HMCN1: variants seen among roughly 807,000 people sequenced by gnomAD.
HMCN1 encodes hemicentin 1, also known as hemicentin-1.
In HMCN1, 321 loss-of-function variants were observed where a neutral mutation model predicts 625.9. The ratio of observed to expected loss-of-function variants is 0.51; its 90% CI spans 0.47 to 0.56. HMCN1 has a LOEUF of 0.56. Ranked by LOEUF, HMCN1 falls within the 20% of genes least tolerant of loss-of-function variation. The probability of loss-of-function intolerance (pLI) is 0.00; values close to 1 mark genes in which losing one functional copy is unlikely to be tolerated. For missense variants in HMCN1, 6,588 were observed against 6,887.3 expected (o/e 0.96, Z 1.54); for synonymous variants, 2,425 against 2,417.6 (o/e 1.00, Z -0.09).
rs187756640 is a variant in HMCN1, at chr1:186,102,769, G to A, written c.10574-703G>A. Among the ~76,000 whole-genome samples, 250 of 152,218 alleles carry A rather than the reference G, an allele frequency of 1.6e-3. 3 individuals carry two copies. The highest frequency in any genetic ancestry group is 7.2e-4 in the Non-Finnish European group (49 of 68,000). On this transcript the variant is annotated intron_variant, in intron 68 of 106. Coordinates refer to ENST00000271588, the MANE Select transcript of HMCN1 (RefSeq NM_031935.3). ...AAACTTGAACTATGAAAGTGTCATA[G>A]AAAACGCAAATGGTCATCATAAGGG...
Position 186,090,917 on chromosome 1 carries a change from G to A in HMCN1, c.9887G>A (p.Arg3296Gln), listed in dbSNP as rs771635945. The stretch of plus-strand genomic sequence containing the variant: ...GCTAGTGGTGAAACAGAAAGAATCC[G>A]GTATGTTTAAAAATAATCTTTCCAT... ...PIASGETERI[R>Q]VSANGSTLNI... The change falls in exon 64 of 107, where the codon CGA (arginine) becomes CAA (glutamine). Residue 3296 changes from arginine to glutamine, a missense_variant and splice_region_variant. This residue lies in a region of HMCN1 where 4,628 missense variants were observed against 4,853.1 expected (regional missense o/e 0.95). Coordinates refer to ENST00000271588, the MANE Select transcript of HMCN1 (RefSeq NM_031935.3). The A allele has an allele frequency of 3.7e-6, 6 of 1,610,926 alleles. No individual in the cohort carries two copies. Among genetic ancestry groups the A allele is most frequent in the African/African-American group, 2.7e-5 (2 of 74,724 alleles).
chr1:185,796,380 T>G (rs754305476), intron 1 of HMCN1, among the ~76,000 whole-genome samples: 1 of 152,196 alleles, frequency 6.6e-6, no homozygotes, highest in Non-Finnish European at 1.5e-5. Flanking sequence ...GGACCCCTGG[T>G]GTACATTGTA....
intron 1 of HMCN1, among the ~76,000 whole-genome samples, chr1:185,833,292 A>G (rs1336069324): frequency 1.3e-5 from 2 of 152,204 alleles, no homozygotes; most frequent in African/African-American, 4.8e-5. Context: ...TATCAAACAT[A>G]TTCAGCTTTT....
chr1:185,960,391 A>AGT (rs1049009229), intron 11 of HMCN1, among the ~76,000 whole-genome samples: 26 of 152,024 alleles, frequency 1.7e-4, no homozygotes, highest in Non-Finnish European at 2.9e-4. Flanking sequence ...AGCCTCCCAA[A>AGT]GTGTTGGGAT....
At chr1:186,147,577 C>T (rs1017084515) in intron 93 of HMCN1, among the ~76,000 whole-genome samples, 4 of 152,032 alleles carry the variant, frequency 2.6e-5, no homozygotes, top group African/African-American at 9.7e-5. Flanking sequence ...TTGTATTTCT[C>T]TCCAATATAT....
intron 1 of HMCN1, among the ~76,000 whole-genome samples, chr1:185,745,959 G>T (rs1301603864): frequency 6.6e-6 from 1 of 152,230 alleles, no homozygotes; most frequent in Non-Finnish European, 1.5e-5. Flanking sequence ...GTTCATTATG[G>T]ACTCTGGAAA....
Position 186,088,754 on chromosome 1 carries a change from A to G in HMCN1, c.9726A>G (p.Gln3242=), listed in dbSNP as rs1659676081. 1 of 1,605,538 alleles carries G rather than the reference A, an allele frequency of 6.2e-7. No homozygotes were observed. The highest frequency in any genetic ancestry group is 1.3e-5 in the African/African-American group (1 of 74,754). The change falls in exon 63 of 107, where the codon CAA becomes CAG. Residue 3242 remains glutamine, a splice_region_variant and synonymous_variant. Transcript: ENST00000271588. The stretch of plus-strand genomic sequence containing the variant: ...AGAAATATTACTTTCTTTCAATTCA[A>G]GGTATGTATTGTCCACTATGATCTA... ...KAQKYYFLSI[Q]VPPSVAGAEI... is the part of the protein sequence containing the mutation.
chr1:186,125,359 G>C (rs987927337), intron 81 of HMCN1, among the ~76,000 whole-genome samples: 1 of 152,000 alleles, frequency 6.6e-6, no homozygotes, highest in African/African-American at 2.4e-5. Flanking sequence ...ACCCAGTTCT[G>C]TCATTTGCTC....
intron 1 of HMCN1, among the ~76,000 whole-genome samples, chr1:185,752,143 G>T (rs962423029): frequency 3.9e-5 from 6 of 152,074 alleles, no homozygotes; most frequent in African/African-American, 1.4e-4. Context: ...TTCCGGTGCT[G>T]TACAGCTAGT....
At chr1:186,040,234 T>C (rs1571762368) in intron 39 of HMCN1, among the ~76,000 whole-genome samples, 3 of 152,250 alleles carry the variant, frequency 2.0e-5, no homozygotes, top group South Asian at 2.1e-4. Context: ...TGGTAGACTT[T>C]AGGTTTAAAT....
intron 20 of HMCN1, among the ~76,000 whole-genome samples, chr1:185,987,748 A>G (rs529892809): frequency 6.6e-6 from 1 of 152,200 alleles, no homozygotes; most frequent in Admixed American, 6.5e-5. Flanking sequence ...CCTCGGAGGG[A>G]CAGGAAGTTG....
At chr1:185,868,120 A>C (rs1472902752) in intron 4 of HMCN1, among the ~76,000 whole-genome samples, 1 of 151,926 alleles carries the variant, frequency 6.6e-6, no homozygotes, top group Non-Finnish European at 1.5e-5. Flanking sequence ...GAACCATAGG[A>C]CTTTATTAGT....
rs571997618 is a variant in HMCN1 at position 185,894,347 on chromosome 1, T to C, written c.622-14990T>C. On this transcript the variant is annotated intron_variant, in intron 4 of 106. Coordinates refer to ENST00000271588, the MANE Select transcript of HMCN1 (RefSeq NM_031935.3). Reference sequence around the variant, plus strand: ...TAGATGGTTCATTCTCATTGATGTATAGTATTCTATTTTATGAATATACCA... The same window carrying C: ...TAGATGGTTCATTCTCATTGATGTACAGTATTCTATTTTATGAATATACCA... 1.1e-4 allele frequency among the ~76,000 whole-genome samples: 17 copies of C among 152,326 alleles called. No individual in the cohort carries two copies. The South Asian group carries it at 3.5e-3, about 32-fold the overall frequency.
At chr1:186,063,449 A>G (rs898004140) in intron 48 of HMCN1, among the ~76,000 whole-genome samples, 8 of 104,294 alleles carry the variant, frequency 7.7e-5, no homozygotes, top group African/African-American at 2.5e-4. Flanking sequence ...GGACGGAGAG[A>G]GAAGGAAGGA....
At chr1:186,072,781 C>G (rs1379072444) in intron 52 of HMCN1, among the ~76,000 whole-genome samples, 1 of 152,186 alleles carries the variant, frequency 6.6e-6, no homozygotes, top group Non-Finnish European at 1.5e-5. Flanking sequence ...CAGATGGGAA[C>G]AGAAAATGTG....
intron 11 of HMCN1, among the ~76,000 whole-genome samples, chr1:185,950,991 C>T (rs1332640151): frequency 4.7e-5 from 7 of 149,782 alleles, no homozygotes; most frequent in Admixed American, 1.3e-4. Flanking sequence ...CTGTAGCAGG[C>T]GAGTGATAAC....
At chr1:185,865,594 C>CACACAA in intron 3 of HMCN1, 147 bp from the exon 4 acceptor site, 2 of 426,088 alleles carry the variant, frequency 4.7e-6, no homozygotes, top group East Asian at 6.4e-5. Context: ...CACACACACA[C>CACACAA]ACACACACAC....
At chr1:186,031,518 T>C (rs1346157251) in intron 36 of HMCN1, among the ~76,000 whole-genome samples, 1 of 152,042 alleles carries the variant, frequency 6.6e-6, no homozygotes, top group African/African-American at 2.4e-5. Flanking sequence ...TAACTTAGAA[T>C]TTTTTAAACT....
Position 185,849,854 on chromosome 1 carries a change from T to C in HMCN1, c.339+3758T>C, listed in dbSNP as rs552573172. ...TTTCACCAACAGTCTTCCATTTCCT[T>C]TCTCTTATACCACGGCATTTTTTCA... On this transcript the variant is annotated intron_variant, in intron 2 of 106. Transcript: ENST00000271588. 5.3e-5 allele frequency among the ~76,000 whole-genome samples: 8 copies of C among 152,338 alleles called. No homozygotes were observed. In the East Asian group the frequency reaches 1.3e-3, roughly 26 times the overall value.
Sources: gnomAD v4.1 joint callset for allele counts (sites outside exome capture counted in the v4.1 genomes callset) on GRCh38, gnomAD v4.1.1 for gene constraint, gnomAD v4.1.1 regional missense constraint, MANE v1.5 for transcripts, NCBI Gene and HGNC (gene_info 2026-07-23, HGNC 2026-07-21) for gene names.